Variants in PDS5B observed in about 807,000 individuals in gnomAD.
PDS5B encodes the protein PDS5 cohesin associated factor B.
Under a neutral mutation model 184.1 loss-of-function variants are expected in PDS5B, and 51 were observed. The ratio of observed to expected loss-of-function variants is 0.28; its 90% confidence interval spans 0.22 to 0.35. The LOEUF (loss-of-function observed/expected upper bound fraction) is 0.35. Ranked by LOEUF, PDS5B falls within the 10% of genes least tolerant of loss-of-function variation. PDS5B has a pLI of 1.00. For synonymous variants in PDS5B, 566 were observed against 569.2 expected (o/e 0.99, Z 0.08); for missense variants, 1,180 against 1,723.3 (o/e 0.68, Z 5.58).
chr13:32,700,001 A>T (rs1219967101), intron 16 of PDS5B, 132 bp downstream of exon 16: 4 of 780,046 alleles, frequency 5.1e-6, no homozygotes, highest in African/African-American at 1.9e-5. Flanking sequence ...GATAAACTAT[A>T]ATTTCTCTAT....
intron 1 of PDS5B, among the ~76,000 whole-genome samples, chr13:32,603,445 A>G (rs968095206): frequency 4.6e-5 from 7 of 152,050 alleles, no homozygotes; most frequent in Admixed American, 4.6e-4. Context: ...TTTCTGTTCC[A>G]TTGGTCTATA....
Position 32,773,266 on chromosome 13 carries a change from C to G in PDS5B, c.4250C>G (p.Ser1417Cys). 2.5e-6 allele frequency: 4 copies of G among 1,612,934 alleles called. No homozygotes were observed. The highest frequency in any genetic ancestry group is 3.4e-6 in the Non-Finnish European group (4 of 1,179,222). ...SEEVDVFQGS[S>C]PVDDIPQEET... ...GAAGTAGATGTGTTTCAGGGTAGCT[C>G]TCCTGTCGATGATATTCCACAGGAA... is the stretch of plus-strand genomic sequence containing the variant. Residue 1417 changes from serine (S) to cysteine (C), a missense_variant, in exon 34 of 35, where the codon TCT (serine) becomes TGT (cysteine). This residue lies in a region of PDS5B where 465 missense variants were observed against 497.8 expected (regional missense o/e 0.93). Coordinates refer to ENST00000315596, the MANE Select transcript of PDS5B (RefSeq NM_015032.4).
intron 1 of PDS5B, among the ~76,000 whole-genome samples, chr13:32,591,140 A>T (rs1046600870): frequency 3.3e-4 from 50 of 151,476 alleles, no homozygotes; most frequent in Non-Finnish European, 1.2e-4. Flanking sequence ...TATTATTATT[A>T]TTTTTTGAGA....
chr13:32,705,064 G>A (rs1285154930), intron 17 of PDS5B, among the ~76,000 whole-genome samples: 1 of 152,098 alleles, frequency 6.6e-6, no homozygotes, highest in African/African-American at 2.4e-5. Context: ...TAGTTCAGTT[G>A]TCCTTCCTCA....
At chr13:32,759,381 GC>G (rs548029047) in intron 28 of PDS5B, among the ~76,000 whole-genome samples, 14 of 152,274 alleles carry the variant, frequency 9.2e-5, no homozygotes, top group South Asian at 4.1e-4. Flanking sequence ...TATTAAAGAA[GC>G]ATGTGTTTTC....
chr13:32,592,355 A>C (rs1593226678), intron 1 of PDS5B, among the ~76,000 whole-genome samples: 2 of 152,116 alleles, frequency 1.3e-5, no homozygotes, highest in South Asian at 4.1e-4. Flanking sequence ...TGGCAGGTTC[A>C]GGCGATTCTC....
chr13:32,742,345 T>C (rs9591298), intron 22 of PDS5B, among the ~76,000 whole-genome samples: 59,087 of 151,994 alleles, frequency 0.39, 11,997 homozygotes, highest in Non-Finnish European at 0.45. Context: ...GGATCAAATA[T>C]ATGTTGGGGA....
At chr13:32,605,189 T>G (rs1302355437) in intron 1 of PDS5B, among the ~76,000 whole-genome samples, 6 of 152,244 alleles carry the variant, frequency 3.9e-5, no homozygotes, top group Non-Finnish European at 8.8e-5. Flanking sequence ...CTTTCCTGCT[T>G]TCTCTTTTAT....
At chr13:32,729,343 T>G (rs1021363780) in intron 19 of PDS5B, among the ~76,000 whole-genome samples, 6 of 152,204 alleles carry the variant, frequency 3.9e-5, no homozygotes, top group Non-Finnish European at 8.8e-5. Context: ...ATCCAGTCTA[T>G]CAGTGATGGG....
At chr13:32,627,079 A>G (rs2058381992) in intron 1 of PDS5B, among the ~76,000 whole-genome samples, 1 of 152,212 alleles carries the variant, frequency 6.6e-6, no homozygotes, top group Non-Finnish European at 1.5e-5. Context: ...TTCAAAAAGA[A>G]GGTAGAACAA....
intron 1 of PDS5B, among the ~76,000 whole-genome samples, chr13:32,626,557 C>T (rs558913368): frequency 7.8e-4 from 119 of 151,808 alleles, no homozygotes; most frequent in Non-Finnish European, 1.3e-3. Flanking sequence ...AAAATGTGAT[C>T]ATGAGCCTCC....
At chr13:32,692,376 G>T (rs971896135) in intron 13 of PDS5B, among the ~76,000 whole-genome samples, 1 of 123,656 alleles carries the variant, frequency 8.1e-6, no homozygotes, top group Admixed American at 8.5e-5. Flanking sequence ...TCTTTGTTGT[G>T]ATCTTCTCTT....
chr13:32,699,858 GA>G lies in PDS5B; in HGVS notation c.1731del (p.Gly578ValfsTer6). On this transcript the variant is annotated frameshift_variant, in exon 16 of 35. Coordinates refer to ENST00000315596, the MANE Select transcript of PDS5B (RefSeq NM_015032.4). LOFTEE classifies it high-confidence loss of function. ...TCCAACATGCTCCTGCAAGCAGGCT[GA>G]AGGTTGTGTGGTAAGGAGAGAAAAG... ...VSPTCSCKQA[E>X]GCVREITKKL... The G allele has an allele frequency of 6.4e-7, 1 of 1,567,698 alleles. No homozygotes were observed. The highest frequency in any genetic ancestry group is 1.2e-5 in the South Asian group (1 of 80,022).
intron 31 of PDS5B, among the ~76,000 whole-genome samples, chr13:32,767,027 A>G (rs73458716): frequency 0.01 from 1,575 of 152,296 alleles, 37 homozygotes; most frequent in African/African-American, 0.036. Flanking sequence ...AAAACTCTAA[A>G]TAAATAAAAC....
chr13:32,675,852 T>C lies in PDS5B; in HGVS notation c.855T>C (p.Asp285=), dbSNP rs536981526. The C allele has an allele frequency of 6.3e-7, 1 of 1,598,062 alleles. No individual in the cohort carries two copies. Among genetic ancestry groups the C allele is most frequent in the African/African-American group, 1.3e-5 (1 of 74,800 alleles). ...ATTGTGTTTTATTTTAGAGCAATGA[T>C]AATGAGGAGCGCCTACAAGTTGTTA... is the stretch of plus-strand genomic sequence containing the variant. ...PQLEFKLKSN[D]NEERLQVVKL... Residue 285 remains aspartate, a synonymous_variant, in exon 9 of 35, where the codon GAT becomes GAC. Coordinates refer to ENST00000315596, the MANE Select transcript of PDS5B (RefSeq NM_015032.4).
chr13:32,596,367 T>TA (rs1169710599), intron 1 of PDS5B, among the ~76,000 whole-genome samples: 4 of 152,242 alleles, frequency 2.6e-5, no homozygotes, highest in Non-Finnish European at 5.9e-5. Flanking sequence ...TATCAGTTTT[T>TA]ATTGCTAAGT....
At chr13:32,644,972 G>A (rs1950182447) in intron 1 of PDS5B, among the ~76,000 whole-genome samples, 1 of 152,078 alleles carries the variant, frequency 6.6e-6, no homozygotes, top group Admixed American at 6.6e-5. Context: ...TTATGATTAA[G>A]ATTTGTCTGT....
intron 1 of PDS5B, among the ~76,000 whole-genome samples, chr13:32,648,494 T>A (rs1950282862): frequency 6.6e-6 from 1 of 152,144 alleles, no homozygotes; most frequent in African/African-American, 2.4e-5. Context: ...CTTACTATTA[T>A]TATTATTATT....
chr13:32,725,026 TATG>T (rs1376271271), intron 19 of PDS5B, among the ~76,000 whole-genome samples: 6 of 152,224 alleles, frequency 3.9e-5, no homozygotes, highest in Admixed American at 3.9e-4. Flanking sequence ...TCTCTCTATT[TATG>T]ATGTTTGCAG....
Sources: gnomAD v4.1 joint callset for allele counts (sites outside exome capture counted in the v4.1 genomes callset) on GRCh38, gnomAD v4.1.1 for gene constraint, gnomAD v4.1.1 regional missense constraint, MANE v1.5 for transcripts, NCBI Gene and HGNC (gene_info 2026-07-23, HGNC 2026-07-21) for gene names.